ADK: variants seen among roughly 807,000 people sequenced by gnomAD.
The protein encoded by ADK is N6,N6-dimethyladenosine kinase.
A neutral mutation model predicts 44.7 loss-of-function variants in ADK; 24 were observed. The observed-to-expected ratio is 0.54, with a 90% CI of 0.39 to 0.76. The LOEUF (loss-of-function observed/expected upper bound fraction) is 0.76, where lower values mean the gene tolerates loss of function less well. ADK is among the 30% of genes least tolerant of loss of function. The pLI, the probability that ADK is intolerant of heterozygous loss-of-function variation, is 0.00. For missense variants in ADK, 321 were observed against 425.1 expected, an observed-to-expected ratio of 0.76 and a Z score of 2.15; for synonymous variants, 128 against 142.6, an observed-to-expected ratio of 0.90 and a Z score of 0.73.
intron 6 of ADK, among the ~76,000 whole-genome samples, chr10:74,438,232 C>CT (rs796123870): frequency 0.053 from 7,592 of 142,692 alleles, 645 homozygotes; most frequent in African/African-American, 0.18. Context: ...CTCTCTCTCT[C>CT]TTTTTTTTTT....
At chr10:74,287,524 T>G (rs1333187695) in intron 3 of ADK, among the ~76,000 whole-genome samples, 1 of 151,748 alleles carries the variant, frequency 6.6e-6, no homozygotes, top group African/African-American at 2.4e-5. Flanking sequence ...GAAATCTACG[T>G]TAATGGACTG....
chr10:74,678,427 A>T (rs565840790), intron 10 of ADK, among the ~76,000 whole-genome samples: 4 of 152,238 alleles, frequency 2.6e-5, no homozygotes, highest in East Asian at 1.9e-4. Context: ...CACTTTGTTC[A>T]TGTGAAATAC....
At chr10:74,494,156 G>T (rs1847595656) in intron 6 of ADK, among the ~76,000 whole-genome samples, 1 of 152,018 alleles carries the variant, frequency 6.6e-6, no homozygotes, top group Admixed American at 6.6e-5. Context: ...GTCCTTAAGG[G>T]TATACTGTGG....
rs115821824 is a variant in ADK at position 74,643,625 on chromosome 10, T to C, written c.878-26558T>C. Among the ~76,000 whole-genome samples, 831 of 152,358 alleles carry C rather than the reference T, an allele frequency of 5.5e-3. 8 individuals are homozygous for C. The highest frequency in any genetic ancestry group is 0.019 in the African/African-American group (783 of 41,584). ...AACTGCTTTATTAAGCTGTAATTTC[T>C]GCTGGTTTTAATTTCCTGCTTGCCT... On this transcript the variant is annotated intron_variant, in intron 9 of 10. Transcript: ENST00000539909.
chr10:74,514,188 G>A (rs1848469040), intron 6 of ADK, among the ~76,000 whole-genome samples: 2 of 149,864 alleles, frequency 1.3e-5, no homozygotes, highest in Admixed American at 1.3e-4. Flanking sequence ...AGTCTAATGG[G>A]GATTCCCTTA....
At chr10:74,544,491 A>T (rs1384736826) in intron 7 of ADK, among the ~76,000 whole-genome samples, 1 of 152,216 alleles carries the variant, frequency 6.6e-6, no homozygotes, top group Non-Finnish European at 1.5e-5. Flanking sequence ...ATTTATAGAA[A>T]CTTGATAAAT....
At chr10:74,447,084 T>C (rs1845613372) in intron 6 of ADK, among the ~76,000 whole-genome samples, 1 of 152,128 alleles carries the variant, frequency 6.6e-6, no homozygotes. Context: ...TACCCTCTTA[T>C]GTTCAGTAGT....
intron 1 of ADK, among the ~76,000 whole-genome samples, chr10:74,183,528 G>T (rs866194653): frequency 2.2e-3 from 308 of 141,572 alleles, no homozygotes; most frequent in African/African-American, 7.9e-3. Context: ...TTTTTTTTTT[G>T]AGATGGAGTT....
chr10:74,212,273 A>G (rs1390942430), intron 2 of ADK, among the ~76,000 whole-genome samples: 2 of 152,240 alleles, frequency 1.3e-5, no homozygotes, highest in Non-Finnish European at 2.9e-5. Context: ...TTCTAAGGAT[A>G]AGTAAACATA....
At chr10:74,225,004 ATAG>A (rs1191911073) in intron 3 of ADK, among the ~76,000 whole-genome samples, 3 of 152,254 alleles carry the variant, frequency 2.0e-5, no homozygotes, top group Admixed American at 6.5e-5. Context: ...CATGGTAATG[ATAG>A]ACAAATATAA....
intron 6 of ADK, among the ~76,000 whole-genome samples, chr10:74,494,194 T>C (rs1243674111): frequency 6.6e-6 from 1 of 152,202 alleles, no homozygotes; most frequent in Non-Finnish European, 1.5e-5. Context: ...CCCTGTACTT[T>C]GACAGCCCTT....
chr10:74,177,448 A>G (rs1055232292), intron 1 of ADK, among the ~76,000 whole-genome samples: 5 of 152,134 alleles, frequency 3.3e-5, no homozygotes, highest in African/African-American at 1.2e-4. Flanking sequence ...CAGAGTCACA[A>G]GTGAAATGAG....
At chr10:74,506,300 G>T in intron 6 of ADK, 1 of 243,946 alleles carries the variant, frequency 4.1e-6, no homozygotes, top group Non-Finnish European at 8.2e-6. Context: ...TGAAATGGTG[G>T]GCAACCACAG....
At chr10:74,294,380 G>C (rs1010446697) in intron 3 of ADK, among the ~76,000 whole-genome samples, 2 of 151,396 alleles carry the variant, frequency 1.3e-5, no homozygotes, top group South Asian at 4.2e-4. Flanking sequence ...TCCACCTCCC[G>C]GGTTCAAGTG....
At chr10:74,206,012 C>G (rs1020863343) in intron 2 of ADK, among the ~76,000 whole-genome samples, 12 of 152,076 alleles carry the variant, frequency 7.9e-5, no homozygotes, top group African/African-American at 2.9e-4. Context: ...AAAATAAAAT[C>G]AGTTGGACAT....
chr10:74,502,061 A>C (rs1032160344), intron 6 of ADK, among the ~76,000 whole-genome samples: 2 of 152,124 alleles, frequency 1.3e-5, no homozygotes, highest in African/African-American at 4.8e-5. Flanking sequence ...AAGGTCATCC[A>C]ACCCAATCTC....
intron 6 of ADK, among the ~76,000 whole-genome samples, chr10:74,499,891 T>A (rs1847832578): frequency 6.6e-6 from 1 of 152,180 alleles, no homozygotes; most frequent in Non-Finnish European, 1.5e-5. Context: ...TCACTAATTA[T>A]GGAACAATGG....
At chr10:74,298,052 C>T (rs1839880064) in intron 3 of ADK, among the ~76,000 whole-genome samples, 1 of 152,114 alleles carries the variant, frequency 6.6e-6, no homozygotes, top group Non-Finnish European at 1.5e-5. Context: ...GGTTTTAAAG[C>T]ACAGTGGACT....
At chr10:74,392,709 T>G (rs1033678316) in intron 4 of ADK, among the ~76,000 whole-genome samples, 2 of 151,948 alleles carry the variant, frequency 1.3e-5, no homozygotes, top group African/African-American at 4.8e-5. Context: ...AAATCATTGC[T>G]AAATCCAATG....
Sources: gnomAD v4.1 joint callset for allele counts (sites outside exome capture counted in the v4.1 genomes callset) on GRCh38, gnomAD v4.1.1 for gene constraint, MANE v1.5 for transcripts, NCBI Gene and HGNC (gene_info 2026-07-23, HGNC 2026-07-21) for gene names.